Variants in GRIN2A observed in about 807,000 individuals in gnomAD.
The protein encoded by GRIN2A is glutamate receptor ionotropic, NMDA 2A.
GRIN2A carries 22 observed loss-of-function variants against 113.4 expected under a neutral mutation model. The observed-to-expected ratio is 0.19, with a 90% confidence interval of 0.14 to 0.28. The LOEUF (loss-of-function observed/expected upper bound fraction) is 0.28. GRIN2A is among the 10% of genes least tolerant of loss of function. The pLI is 1.00. For missense variants in GRIN2A, 1,502 were observed against 1,887.0 expected (o/e 0.80, Z 3.78); for synonymous variants, 827 against 738.4 (o/e 1.12, Z -1.94).
At chr16:9,794,399 T>G (rs1447902137) in intron 11 of GRIN2A, among the ~76,000 whole-genome samples, 2 of 152,218 alleles carry the variant, frequency 1.3e-5, no homozygotes, top group Non-Finnish European at 2.9e-5. Flanking sequence ...GATGAATAAT[T>G]AGGTACTGCT....
At chr16:9,989,528 A>AG (rs2046059092) in intron 2 of GRIN2A, among the ~76,000 whole-genome samples, 1 of 152,200 alleles carries the variant, frequency 6.6e-6, no homozygotes, top group Non-Finnish European at 1.5e-5. Context: ...AACAAAAAAA[A>AG]ATTGACAATC....
At chr16:10,112,294 C>A in intron 2 of GRIN2A, 1 of 645,396 alleles carries the variant, frequency 1.5e-6, no homozygotes, top group Non-Finnish European at 2.8e-6. Flanking sequence ...AATGTGGTGA[C>A]AGCAGCCCAG....
rs111708736 is a variant in GRIN2A at position 10,135,083 on chromosome 16, C to T, written c.414+44915G>A. 1.7e-3 allele frequency among the ~76,000 whole-genome samples: 255 copies of T among 152,296 alleles called. 1 individual carries two copies. The highest frequency in any genetic ancestry group is 5.8e-3 in the African/African-American group (242 of 41,556). On this transcript the variant is annotated intron_variant, in intron 2 of 12. Coordinates refer to ENST00000330684, the MANE Select transcript of GRIN2A (RefSeq NM_001134407.3). ...CTTTCTTTTTGCTTAACAGTTCTTG[C>T]TTCAATCTCTTTCCTCTCACATTTT...
chr16:10,122,752 G>A (rs1449524518), intron 2 of GRIN2A, among the ~76,000 whole-genome samples: 1 of 152,120 alleles, frequency 6.6e-6, no homozygotes, highest in African/African-American at 2.4e-5. Flanking sequence ...GCCAACCTGA[G>A]GGAAATTGAC....
chr16:9,970,109 C>G (rs3105686), intron 2 of GRIN2A, among the ~76,000 whole-genome samples: 76,201 of 151,996 alleles, frequency 0.5, 19,362 homozygotes, highest in African/African-American at 0.55. Flanking sequence ...CATTGGGATC[C>G]CTAATACAGA....
At chr16:9,979,576 C>T (rs750713563) in intron 2 of GRIN2A, among the ~76,000 whole-genome samples, 4 of 152,002 alleles carry the variant, frequency 2.6e-5, no homozygotes, top group Non-Finnish European at 5.9e-5. Context: ...CTTATTACCT[C>T]CCCCATAACA....
chr16:10,035,720 C>T (rs72772340), intron 2 of GRIN2A, among the ~76,000 whole-genome samples: 27,885 of 140,116 alleles, frequency 0.2, 2,723 homozygotes, highest in Non-Finnish European at 0.22. Context: ...ACTGGATGAT[C>T]GATTTTTTTT....
intron 3 of GRIN2A, among the ~76,000 whole-genome samples, chr16:9,892,239 C>T (rs974769439): frequency 2.0e-5 from 3 of 148,552 alleles, no homozygotes; most frequent in Non-Finnish European, 4.5e-5. Flanking sequence ...CTCAGAAAAA[C>T]AAACAAACAA....
intron 2 of GRIN2A, among the ~76,000 whole-genome samples, chr16:10,147,455 CA>C (rs367830700): frequency 0.26 from 18,787 of 72,786 alleles, 1,263 homozygotes; most frequent in Middle Eastern, 0.33. Context: ...ACTAAAAATA[CA>C]AAAAAAAAAA....
At chr16:10,127,517 G>A (rs2142204862) in intron 2 of GRIN2A, among the ~76,000 whole-genome samples, 1 of 152,238 alleles carries the variant, frequency 6.6e-6, no homozygotes, top group Non-Finnish European at 1.5e-5. Context: ...AACTGTGCCA[G>A]GCACCCTTGT....
intron 2 of GRIN2A, among the ~76,000 whole-genome samples, chr16:10,072,315 A>G (rs1340876993): frequency 6.6e-6 from 1 of 152,230 alleles, no homozygotes; most frequent in Admixed American, 6.5e-5. Context: ...AAATGTGTTT[A>G]TAAGAGTGAA....
rs560248607 is a variant in GRIN2A at position 10,058,116 on chromosome 16, G to A, written c.415-119565C>T. ...CTAAAAATACAAAAATCAGCTGGGCGTGGTGGTGCAGACCTGTAATTCTAG... is the reference window on the plus strand; with the variant it reads ...CTAAAAATACAAAAATCAGCTGGGCATGGTGGTGCAGACCTGTAATTCTAG... On this transcript the variant is annotated intron_variant, in intron 2 of 12. Coordinates refer to ENST00000330684, the MANE Select transcript of GRIN2A (RefSeq NM_001134407.3). 3.9e-5 allele frequency among the ~76,000 whole-genome samples: 6 copies of A among 152,122 alleles called. No individual in the cohort carries two copies. In the East Asian group the frequency reaches 7.7e-4, roughly 20 times the overall value.
At chr16:10,045,592 A>G (rs766722191) in intron 2 of GRIN2A, among the ~76,000 whole-genome samples, 2 of 152,196 alleles carry the variant, frequency 1.3e-5, no homozygotes, top group Non-Finnish European at 2.9e-5. Context: ...CCTGATGAAG[A>G]TAAGAAATGC....
chr16:9,989,219 C>A (rs1304822571), intron 2 of GRIN2A, among the ~76,000 whole-genome samples: 1 of 152,046 alleles, frequency 6.6e-6, no homozygotes. Context: ...AGAATACAGA[C>A]CCCCTAAAAT....
At chr16:9,898,806 T>G (rs894668722) in intron 3 of GRIN2A, among the ~76,000 whole-genome samples, 5 of 151,936 alleles carry the variant, frequency 3.3e-5, no homozygotes, top group Non-Finnish European at 7.4e-5. Flanking sequence ...TTTTTGTTTT[T>G]TTTTTTTCTC....
intron 3 of GRIN2A, among the ~76,000 whole-genome samples, chr16:9,899,947 A>G (rs541665701): frequency 1.1e-4 from 17 of 152,198 alleles, no homozygotes; most frequent in African/African-American, 3.9e-4. Context: ...AAGTATCCTC[A>G]GTTCTCAGAG....
At position 9,925,231 on chromosome 16, in the gene GRIN2A, G is replaced by A. The variant is rs74459338; in HGVS notation, c.1007+12728C>T. Among the ~76,000 whole-genome samples the A allele has an allele frequency of 7.2e-5, 11 of 152,296 alleles. No homozygotes were observed. In the East Asian group the frequency reaches 2.1e-3, roughly 29 times the overall value. On this transcript the variant is annotated intron_variant, in intron 3 of 12. Coordinates refer to ENST00000330684, the MANE Select transcript of GRIN2A (RefSeq NM_001134407.3). ...GAGTGAGAGCAATTCATAGTCTACA[G>A]CTAATTATTTCTCCATTATTGAGAC...
intron 2 of GRIN2A, among the ~76,000 whole-genome samples, chr16:10,104,361 A>T (rs185977985): frequency 1.4e-3 from 210 of 152,262 alleles, no homozygotes; most frequent in African/African-American, 4.6e-3. Context: ...TGGCAGCAAG[A>T]AGTTGAGCCT....
chr16:9,878,341 A>T (rs1045415627), intron 4 of GRIN2A, among the ~76,000 whole-genome samples: 1 of 152,186 alleles, frequency 6.6e-6, no homozygotes, highest in Non-Finnish European at 1.5e-5. Context: ...CTCCTATAAC[A>T]TGAGGATAGA....
Sources: gnomAD v4.1 joint callset for allele counts (sites outside exome capture counted in the v4.1 genomes callset) on GRCh38, gnomAD v4.1.1 for gene constraint, MANE v1.5 for transcripts, NCBI Gene and HGNC (gene_info 2026-07-23, HGNC 2026-07-21) for gene names.